The following SLC25A26 variants were observed in gnomAD, a reference collection of about 807,000 sequenced individuals.
The protein encoded by SLC25A26 is mitochondrial S-adenosylmethionine carrier protein.
Under a neutral mutation model 37.8 loss-of-function variants are expected in SLC25A26, and 36 were observed. That is an observed-to-expected ratio of 0.95 (90% CI 0.73 to 1.26). The LOEUF is 1.26. Ranked by LOEUF, SLC25A26 falls within the 50% of genes most tolerant of loss-of-function variation. The pLI is 0.00. For missense variants in SLC25A26, 390 were observed against 331.1 expected (o/e 1.18, Z -1.38); for synonymous variants, 129 against 122.5 (o/e 1.05, Z -0.35).
At chr3:66,314,912 G>A (rs2075489232) in intron 5 of SLC25A26, among the ~76,000 whole-genome samples, 1 of 151,862 alleles carries the variant, frequency 6.6e-6, no homozygotes, top group African/African-American at 2.4e-5. Context: ...TGTTTGCATT[G>A]AGGTGTTTAT....
At chr3:66,172,072 G>A (rs954137456) in intron 1 of SLC25A26, among the ~76,000 whole-genome samples, 1 of 152,066 alleles carries the variant, frequency 6.6e-6, no homozygotes, top group African/African-American at 2.4e-5. Flanking sequence ...TATTTGTGAG[G>A]AATCTTATGT....
chr3:66,227,016 A>G (rs968853769), intron 1 of SLC25A26, among the ~76,000 whole-genome samples: 7 of 152,216 alleles, frequency 4.6e-5, no homozygotes, highest in Non-Finnish European at 8.8e-5. Context: ...TGTTCTCATT[A>G]TGTATTATAG....
At chr3:66,149,976 G>T (rs1037450094) in intron 1 of SLC25A26, among the ~76,000 whole-genome samples, 4 of 152,154 alleles carry the variant, frequency 2.6e-5, no homozygotes, top group African/African-American at 9.7e-5. Flanking sequence ...GATTAGGGAA[G>T]GTGCTGCTTG....
intron 5 of SLC25A26, among the ~76,000 whole-genome samples, chr3:66,264,917 C>CT (rs1478078090): frequency 1.3e-5 from 2 of 152,234 alleles, no homozygotes; most frequent in Non-Finnish European, 2.9e-5. Context: ...CCTTCTAACT[C>CT]TAAATTTCTG....
chr3:66,371,832 C>G (rs1270237442), intron 9 of SLC25A26, among the ~76,000 whole-genome samples: 1 of 152,158 alleles, frequency 6.6e-6, no homozygotes, highest in Non-Finnish European at 1.5e-5. Flanking sequence ...GTGCGGGGCT[C>G]ACACCTGTAA....
At chr3:66,363,853 TAATC>T (rs1182646079) in intron 7 of SLC25A26, among the ~76,000 whole-genome samples, 1 of 152,244 alleles carries the variant, frequency 6.6e-6, no homozygotes. Context: ...GTAGAATTGA[TAATC>T]AACAATAAGA....
intron 3 of SLC25A26, among the ~76,000 whole-genome samples, chr3:66,253,212 C>T (rs1489305499): frequency 1.3e-5 from 2 of 151,496 alleles, no homozygotes; most frequent in Non-Finnish European, 2.9e-5. Context: ...TCAAGACCGT[C>T]CTGGCTAACA....
At chr3:66,347,975 T>C (rs546879679) in intron 6 of SLC25A26, among the ~76,000 whole-genome samples, 2 of 152,126 alleles carry the variant, frequency 1.3e-5, no homozygotes, top group Non-Finnish European at 2.9e-5. Context: ...GGGCCTGTTG[T>C]GGGGTGCAGG....
intron 1 of SLC25A26, among the ~76,000 whole-genome samples, chr3:66,151,756 TC>T (rs1336990589): frequency 6.6e-6 from 1 of 152,204 alleles, no homozygotes; most frequent in Non-Finnish European, 1.5e-5. Context: ...ACCACCCTGA[TC>T]AGGCCTCATG....
chr3:66,306,819 C>CTGCAA (rs2075238988), intron 5 of SLC25A26, among the ~76,000 whole-genome samples: 2 of 152,198 alleles, frequency 1.3e-5, no homozygotes, highest in Non-Finnish European at 2.9e-5. Flanking sequence ...ATCCATGTCC[C>CTGCAA]TGCAAAGGAC....
intron 5 of SLC25A26, among the ~76,000 whole-genome samples, chr3:66,332,396 T>C (rs950692114): frequency 1.2e-4 from 18 of 152,246 alleles, no homozygotes; most frequent in Non-Finnish European, 2.1e-4. Flanking sequence ...ATTTAGAATT[T>C]ATTACATGTT....
intron 3 of SLC25A26, among the ~76,000 whole-genome samples, chr3:66,248,582 A>G (rs1047259815): frequency 2.2e-4 from 33 of 152,180 alleles, no homozygotes; most frequent in Non-Finnish European, 2.4e-4. Context: ...CAGAAATGAA[A>G]AAAACATTGA....
chr3:66,150,636 ATATATATATATATATATATC>A (rs2070193775), intron 1 of SLC25A26, among the ~76,000 whole-genome samples: 1 of 89,914 alleles, frequency 1.1e-5, no homozygotes, highest in African/African-American at 4.3e-5. Context: ...ATATATATAT[ATATATATATATATATATATC>A]ATGGCACTTG....
chr3:66,160,631 G>A (rs1041278357), intron 1 of SLC25A26, among the ~76,000 whole-genome samples: 7 of 152,128 alleles, frequency 4.6e-5, no homozygotes, highest in Non-Finnish European at 7.4e-5. Flanking sequence ...ACACAATTAT[G>A]AAAATTACTA....
chr3:66,177,698 G>A (rs2070613183), intron 1 of SLC25A26, among the ~76,000 whole-genome samples: 1 of 152,208 alleles, frequency 6.6e-6, no homozygotes, highest in Non-Finnish European at 1.5e-5. Flanking sequence ...ACCACCTTAG[G>A]TTGTGGACTC....
At chr3:66,156,406 G>A (rs745526436) in intron 1 of SLC25A26, among the ~76,000 whole-genome samples, 5 of 152,040 alleles carry the variant, frequency 3.3e-5, no homozygotes, top group African/African-American at 4.8e-5. Context: ...CAATGAAGAA[G>A]ATTTTCTTCA....
intron 5 of SLC25A26, among the ~76,000 whole-genome samples, chr3:66,329,006 G>A (rs1312051013): frequency 1.3e-5 from 2 of 152,092 alleles, no homozygotes; most frequent in African/African-American, 2.4e-5. Flanking sequence ...GTATTATGAC[G>A]TATTTGTGAA....
intron 1 of SLC25A26, among the ~76,000 whole-genome samples, chr3:66,139,772 C>T (rs890872640): frequency 6.6e-6 from 1 of 152,172 alleles, no homozygotes; most frequent in Non-Finnish European, 1.5e-5. Context: ...ACTTGAGTTA[C>T]TTCTTTCACA....
chr3:66,241,213 C>T (rs1237827083), intron 2 of SLC25A26, among the ~76,000 whole-genome samples: 1 of 152,042 alleles, frequency 6.6e-6, no homozygotes, highest in African/African-American at 2.4e-5. Flanking sequence ...TGTACTGCTG[C>T]TTGTCACCCA....
Sources: gnomAD v4.1 joint callset for allele counts (sites outside exome capture counted in the v4.1 genomes callset) on GRCh38, gnomAD v4.1.1 for gene constraint, MANE v1.5 for transcripts, NCBI Gene and HGNC (gene_info 2026-07-23, HGNC 2026-07-21) for gene names.